TMEM181: variants seen among roughly 807,000 people sequenced by gnomAD.
The protein encoded by TMEM181 is transmembrane protein 181.
TMEM181 carries 39 observed loss-of-function variants against 71.9 expected under a neutral mutation model. The observed-to-expected ratio is 0.54, with a 90% CI of 0.42 to 0.71. The LOEUF (loss-of-function observed/expected upper bound fraction) is 0.71, where lower values mean the gene tolerates loss of function less well. Among genes scored for constraint, TMEM181 ranks in the 30% least tolerant of loss-of-function variants. The pLI, the probability that TMEM181 is intolerant of heterozygous loss-of-function variation, is 0.00. For synonymous variants in TMEM181, 245 were observed against 228.8 expected (o/e 1.07, Z -0.64); for missense variants, 595 against 583.0 (o/e 1.02, Z -0.21).
In TMEM181 at chr6:158,572,763, CTG is replaced by C. The variant is rs553665973; in HGVS notation, c.9-653_9-652del. On this transcript the variant is annotated intron_variant, in intron 1 of 16. Coordinates refer to ENST00000684151, the MANE Select transcript of TMEM181 (RefSeq NM_001376852.1). ...TGGGAGGGCGAGTGAGTTTCCCTGTCTGTGTAAATCACAGAAACCTGCACGGC... is the reference window on the plus strand; with the variant it reads ...TGGGAGGGCGAGTGAGTTTCCCTGTCTGTAAATCACAGAAACCTGCACGGC... Among the ~76,000 whole-genome samples the C allele has an allele frequency of 3.5e-3, 532 of 152,294 alleles. 4 individuals are homozygous for C. Among genetic ancestry groups the C allele is most frequent in the African/African-American group, 0.011 (474 of 41,562 alleles).
chr6:158,565,004 G>A (rs572026179), intron 1 of TMEM181, among the ~76,000 whole-genome samples: 10 of 152,322 alleles, frequency 6.6e-5, no homozygotes, highest in Non-Finnish European at 1.3e-4. Context: ...TACCGTCGTG[G>A]TGGTTTGCGG....
At chr6:158,600,715 C>T (rs545877404) in intron 6 of TMEM181, among the ~76,000 whole-genome samples, 1 of 152,224 alleles carries the variant, frequency 6.6e-6, no homozygotes, top group Non-Finnish European at 1.5e-5. Flanking sequence ...AGGTGATCTG[C>T]CCACCTCAGC....
At chr6:158,627,568 C>A (rs1413607010) in intron 13 of TMEM181, among the ~76,000 whole-genome samples, 1 of 151,962 alleles carries the variant, frequency 6.6e-6, no homozygotes, top group African/African-American at 2.4e-5. Context: ...TGAGGAGGAG[C>A]CCTGAAAGCT....
intron 10 of TMEM181, among the ~76,000 whole-genome samples, chr6:158,619,308 G>A (rs559715845): frequency 1.1e-4 from 17 of 152,242 alleles, no homozygotes; most frequent in East Asian, 1.9e-4. Context: ...TTGTGCATGC[G>A]TCACGTAGTT....
intron 1 of TMEM181, among the ~76,000 whole-genome samples, chr6:158,541,405 G>A (rs928425956): frequency 2.7e-5 from 4 of 150,674 alleles, no homozygotes; most frequent in East Asian, 1.9e-4. Flanking sequence ...CGACAAGAGC[G>A]AGACTCCATC....
intron 13 of TMEM181, among the ~76,000 whole-genome samples, chr6:158,627,696 C>T (rs1193545059): frequency 1.3e-5 from 2 of 152,190 alleles, no homozygotes; most frequent in African/African-American, 2.4e-5. Context: ...GATGAGCAGG[C>T]GTGGGCACGG....
chr6:158,610,517 G>T, intron 10 of TMEM181: 1 of 401,518 alleles, frequency 2.5e-6, no homozygotes, highest in East Asian at 4.8e-5. Context: ...CTCTAGGCTT[G>T]GCTCCCAGTG....
chr6:158,588,911 C>A (rs1197111777), intron 5 of TMEM181, among the ~76,000 whole-genome samples: 1 of 152,180 alleles, frequency 6.6e-6, no homozygotes, highest in Admixed American at 6.5e-5. Context: ...GAGTGACATT[C>A]CGAAAGGCAG....
intron 6 of TMEM181, among the ~76,000 whole-genome samples, chr6:158,602,539 A>G (rs2128313306): frequency 6.6e-6 from 1 of 152,244 alleles, no homozygotes; most frequent in Non-Finnish European, 1.5e-5. Flanking sequence ...CGGTACGGTC[A>G]GTCTTTTGAA....
intron 1 of TMEM181, among the ~76,000 whole-genome samples, chr6:158,551,183 A>G (rs940959336): frequency 5.9e-5 from 9 of 152,082 alleles, no homozygotes; most frequent in Admixed American, 2.0e-4. Context: ...AAGGGTCTCA[A>G]TCTCCTGACC....
chr6:158,558,792 G>C (rs1781998737), upstream of TMEM181, among the ~76,000 whole-genome samples: 1 of 152,106 alleles, frequency 6.6e-6, no homozygotes, highest in Admixed American at 6.5e-5. Context: ...GGCTGGTTGC[G>C]GTGGCTCACG....
At chr6:158,611,982 C>CG (rs1554228516) in intron 10 of TMEM181, among the ~76,000 whole-genome samples, 1 of 145,680 alleles carries the variant, frequency 6.9e-6, no homozygotes, top group East Asian at 3.4e-4. Flanking sequence ...GGATACCCCC[C>CG]CCACCTCCTA....
At chr6:158,588,216 C>G (rs140192719) in intron 5 of TMEM181, among the ~76,000 whole-genome samples, 499 of 152,372 alleles carry the variant, frequency 3.3e-3, no homozygotes, top group African/African-American at 0.011. Flanking sequence ...CTTTTAGCCC[C>G]TTTGCAGGGC....
rs563215453 is a variant in TMEM181, at chr6:158,604,882, AT to A, written c.493-378del. On this transcript the variant is annotated intron_variant, in intron 6 of 16. Transcript: ENST00000684151. ...TTATTTTTCGCTCTTGGTAATTAAGATTTTTTTATGTCTGTGTCCTTTGATA... is the reference window on the plus strand; with the variant it reads ...TTATTTTTCGCTCTTGGTAATTAAGATTTTTTATGTCTGTGTCCTTTGATA... Among the ~76,000 whole-genome samples, 36 of 152,216 alleles carry A rather than the reference AT, an allele frequency of 2.4e-4. No individual in the cohort carries two copies. In the South Asian group the frequency reaches 7.3e-3, roughly 31 times the overall value.
chr6:158,628,525 C>T (rs373878420), intron 14 of TMEM181, 35 bp downstream of exon 14: 79 of 1,589,726 alleles, frequency 5.0e-5, no homozygotes, highest in East Asian at 2.9e-4. Flanking sequence ...GGCTGCAGGA[C>T]GCCTGCTTAG....
At chr6:158,623,756 G>T (rs1583052309) in intron 11 of TMEM181, 149 bp downstream of exon 11, 9 of 475,444 alleles carry the variant, frequency 1.9e-5, no homozygotes, top group Middle Eastern at 4.7e-4. Flanking sequence ...TGGAAGATTT[G>T]GGGAAATTTT....
At chr6:158,573,340 G>T in intron 1 of TMEM181, 80 bp from the exon 2 acceptor site, 1 of 995,580 alleles carries the variant, frequency 1.0e-6, no homozygotes. Context: ...CGTGTGGGGA[G>T]GGGTGTTGCT....
chr6:158,596,582 G>A (rs921002059), intron 6 of TMEM181, among the ~76,000 whole-genome samples: 1 of 152,132 alleles, frequency 6.6e-6, no homozygotes, highest in African/African-American at 2.4e-5. Flanking sequence ...CCTTGTTGAT[G>A]ACAATCAAAT....
intron 6 of TMEM181, among the ~76,000 whole-genome samples, chr6:158,594,318 C>T (rs1243919939): frequency 2.0e-5 from 3 of 151,876 alleles, no homozygotes; most frequent in African/African-American, 4.8e-5. Flanking sequence ...AGGCTGGTCT[C>T]GAACTCCTGA....
Sources: gnomAD v4.1 joint callset for allele counts (sites outside exome capture counted in the v4.1 genomes callset) on GRCh38, gnomAD v4.1.1 for gene constraint, MANE v1.5 for transcripts, NCBI Gene and HGNC (gene_info 2026-07-23, HGNC 2026-07-21) for gene names.